UNC13B: variants seen among roughly 807,000 people sequenced by gnomAD.
UNC13B encodes unc-13 homolog B.
Under a neutral mutation model 211.0 loss-of-function variants are expected in UNC13B, and 144 were observed. The ratio of observed to expected loss-of-function variants is 0.68; its 90% CI spans 0.60 to 0.78. The LOEUF is 0.78. UNC13B is among the 30% of genes least tolerant of loss of function. The pLI is 0.00. For synonymous variants in UNC13B, 709 were observed against 725.8 expected (o/e 0.98, Z 0.37); for missense variants, 1,777 against 2,002.0 (o/e 0.89, Z 2.14).
At position 35,259,803 on chromosome 9, in the gene UNC13B, G is replaced by C. The variant is rs79119359; in HGVS notation, c.526+753G>C. ...TGTGTGTGTAGGGGGATGCGGGGGGGGGGGATTTTGATACTTTTGTGTTGC... is the reference window on the plus strand; with the variant it reads ...TGTGTGTGTAGGGGGATGCGGGGGGCGGGGATTTTGATACTTTTGTGTTGC... On this transcript the variant is annotated intron_variant, in intron 7 of 39. Transcript: ENST00000635942. 4.8e-5 allele frequency among the ~76,000 whole-genome samples: 7 copies of C among 145,306 alleles called. No homozygotes were observed. In the East Asian group the frequency reaches 1.4e-3, roughly 30 times the overall value.
intron 11 of UNC13B, chr9:35,352,566 A>T (rs1832781773): frequency 8.1e-7 from 1 of 1,232,022 alleles, no homozygotes; most frequent in African/African-American, 1.6e-5. Context: ...GAAACAGGGG[A>T]CAGGGGACCC....
At chr9:35,193,183 T>A (rs1822750588) in intron 1 of UNC13B, among the ~76,000 whole-genome samples, 1 of 152,144 alleles carries the variant, frequency 6.6e-6, no homozygotes. Flanking sequence ...TTTGGGCAAT[T>A]GTTGCACTTC....
At chr9:35,266,859 T>G (rs1484590196) in intron 7 of UNC13B, among the ~76,000 whole-genome samples, 2 of 152,246 alleles carry the variant, frequency 1.3e-5, no homozygotes, top group Non-Finnish European at 2.9e-5. Context: ...TTAGGCTGAC[T>G]TGTGCCCATT....
chr9:35,184,757 AAAGGAAGG>A (rs58197398), intron 1 of UNC13B, among the ~76,000 whole-genome samples: 144 of 107,124 alleles, frequency 1.3e-3, no homozygotes, highest in Middle Eastern at 9.2e-3. Context: ...AGAAAGAAAG[AAAGGAAGG>A]AAGGAAGGAA....
At chr9:35,198,104 CAT>C (rs1823045687) in intron 1 of UNC13B, among the ~76,000 whole-genome samples, 1 of 152,164 alleles carries the variant, frequency 6.6e-6, no homozygotes, top group South Asian at 2.1e-4. Flanking sequence ...CTATTCATAA[CAT>C]GTGTTCAAGC....
At chr9:35,335,913 C>G (rs1054826095) in intron 11 of UNC13B, among the ~76,000 whole-genome samples, 1 of 152,068 alleles carries the variant, frequency 6.6e-6, no homozygotes, top group Admixed American at 6.6e-5. Flanking sequence ...CCCTATGTTG[C>G]CCAGGCTGGT....
At chr9:35,183,195 C>A (rs1364998412) in intron 1 of UNC13B, among the ~76,000 whole-genome samples, 1 of 147,020 alleles carries the variant, frequency 6.8e-6, no homozygotes, top group African/African-American at 2.5e-5. Context: ...TCCTCACCTC[C>A]CAGACGATGG....
intron 1 of UNC13B, among the ~76,000 whole-genome samples, chr9:35,202,983 G>T (rs1315516793): frequency 6.6e-6 from 1 of 151,860 alleles, no homozygotes; most frequent in Admixed American, 6.6e-5. Context: ...TAGTAGAGAC[G>T]GGTTTTCACC....
At chr9:35,364,498 C>G in intron 11 of UNC13B, 1 of 1,534,064 alleles carries the variant, frequency 6.5e-7, no homozygotes, top group East Asian at 2.4e-5. Flanking sequence ...ATAGGACTGA[C>G]TCTACTAACC....
chr9:35,196,833 C>T (rs1587348734), intron 1 of UNC13B, among the ~76,000 whole-genome samples: 1 of 152,124 alleles, frequency 6.6e-6, no homozygotes, highest in Non-Finnish European at 1.5e-5. Flanking sequence ...TGCAGTAGTA[C>T]GATCATGGCT....
At chr9:35,293,423 C>T (rs1297469683) in intron 7 of UNC13B, among the ~76,000 whole-genome samples, 11 of 152,174 alleles carry the variant, frequency 7.2e-5, no homozygotes, top group African/African-American at 1.4e-4. Flanking sequence ...GATTGTCTGT[C>T]GCAGTTGCCT....
At chr9:35,395,475 G>A (rs1302229582) in intron 26 of UNC13B, among the ~76,000 whole-genome samples, 2 of 152,130 alleles carry the variant, frequency 1.3e-5, no homozygotes, top group South Asian at 2.1e-4. Context: ...TGGATGTTCC[G>A]CCTTGACTTG....
rs769926038 is a variant in UNC13B, at chr9:35,370,446, C to T, written c.9540+50C>T. On this transcript the variant is annotated intron_variant, in intron 13 of 39. Transcript: ENST00000635942. ...ATAGGCAGTAGCCTTGGGGTATCCC[C>T]CATTGGGCCTTGGCAAGCTGTCAGG... 3.9e-5 allele frequency: 61 copies of T among 1,560,558 alleles called. 1 individual carries two copies. The highest frequency in any genetic ancestry group is 5.4e-5 in the Non-Finnish European group (61 of 1,138,608).
chr9:35,199,899 T>A (rs368150577), intron 1 of UNC13B, among the ~76,000 whole-genome samples: 10 of 152,106 alleles, frequency 6.6e-5, no homozygotes, highest in African/African-American at 1.7e-4. Context: ...GGTGTTTTAG[T>A]CATGAAGTCC....
chr9:35,177,127 T>A (rs956848538), intron 1 of UNC13B, among the ~76,000 whole-genome samples: 3 of 151,684 alleles, frequency 2.0e-5, no homozygotes, highest in Non-Finnish European at 4.4e-5. Flanking sequence ...TTAAAAAAAA[T>A]TAAAAAAAAA....
At position 35,169,547 on chromosome 9, in the gene UNC13B, C is replaced by A. The variant is rs566452587; in HGVS notation, c.22+7242C>A. Among the ~76,000 whole-genome samples, 14 of 152,282 alleles carry A rather than the reference C, an allele frequency of 9.2e-5. No individual in the cohort carries two copies. The South Asian group carries it at 2.9e-3, about 32-fold the overall frequency. Reference sequence around the variant, plus strand: ...ATCTCCTTCCCCCATCCTGCCACCCCCTGCTGAATGTTATTGTCATCTGCC... The same window carrying A: ...ATCTCCTTCCCCCATCCTGCCACCCACTGCTGAATGTTATTGTCATCTGCC... On this transcript the variant is annotated intron_variant, in intron 1 of 39. Transcript: ENST00000635942.
At chr9:35,398,687 C>G (rs765985279) in intron 32 of UNC13B, 45 bp downstream of exon 32, 2 of 1,604,042 alleles carry the variant, frequency 1.2e-6, no homozygotes, top group Non-Finnish European at 1.7e-6. Context: ...AGATGTGGTC[C>G]CTAGCCAATC....
chr9:35,262,522 T>C (rs763792376), intron 7 of UNC13B, among the ~76,000 whole-genome samples: 2 of 152,108 alleles, frequency 1.3e-5, no homozygotes, highest in Non-Finnish European at 2.9e-5. Flanking sequence ...TTCACTATGT[T>C]GGCCAGGCTG....
intron 6 of UNC13B, among the ~76,000 whole-genome samples, chr9:35,258,051 T>A (rs913253789): frequency 6.6e-6 from 1 of 152,220 alleles, no homozygotes; most frequent in African/African-American, 2.4e-5. Flanking sequence ...TGCCAGTGCC[T>A]AGAACAAGGC....
Sources: gnomAD v4.1 joint callset for allele counts (sites outside exome capture counted in the v4.1 genomes callset) on GRCh38, gnomAD v4.1.1 for gene constraint, MANE v1.5 for transcripts, NCBI Gene and HGNC (gene_info 2026-07-23, HGNC 2026-07-21) for gene names.